PLEC: variants seen among roughly 807,000 people sequenced by gnomAD.
PLEC encodes hemidesmosomal protein 1.
In PLEC, 216 loss-of-function variants were observed where a neutral mutation model predicts 392.8. That is an observed-to-expected ratio of 0.55 (90% CI 0.49 to 0.62). PLEC has a LOEUF of 0.62. Ranked by LOEUF, PLEC falls within the 20% of genes least tolerant of loss-of-function variation. The pLI is 0.00. For missense variants in PLEC, 6,863 were observed against 6,563.4 expected (o/e 1.05, Z -1.58); for synonymous variants, 3,621 against 2,980.6 (o/e 1.21, Z -7.00).
chr8:143,918,214 G>A lies in PLEC; in HGVS notation c.11607C>T (p.Gly3869=). ...QLLRRCRRDD[G]TGQLLLPLSD... ...ACAGTGGCAGGAGCAGCTGGCCGGT[G>A]CCGTCGTCACGACGGCACCGCCTGA... The change falls in exon 32 of 32, where the codon GGC becomes GGT. Residue 3869 remains glycine, a synonymous_variant. Coordinates refer to ENST00000345136, the MANE Select transcript of PLEC (RefSeq NM_201384.3). 6.3e-7 allele frequency: 1 copy of A among 1,579,622 alleles called. No individual in the cohort carries two copies. The highest frequency in any genetic ancestry group is 2.2e-5 in the East Asian group (1 of 44,474).
intron 1 of PLEC, among the ~76,000 whole-genome samples, chr8:143,947,651 G>A (rs1831655923): frequency 6.6e-6 from 1 of 152,170 alleles, no homozygotes; most frequent in Non-Finnish European, 1.5e-5. Flanking sequence ...TCAGGAGGCT[G>A]AGACAGGAGA....
intron 1 of PLEC, chr8:143,944,828 C>T: frequency 5.1e-6 from 3 of 593,532 alleles, no homozygotes; most frequent in Non-Finnish European, 5.2e-6. Context: ...GAGCAGTGGG[C>T]AGGGGCCCAG....
rs1554694810 is a variant in PLEC, at chr8:143,923,927, G to A, written c.6002C>T (p.Ala2001Val). 3 of 1,595,042 alleles carry A rather than the reference G, an allele frequency of 1.9e-6. No homozygotes were observed. The highest frequency in any genetic ancestry group is 2.2e-5 in the East Asian group (1 of 44,674). The change falls in exon 31 of 32, where the codon GCA becomes GTA. Residue 2001 changes from alanine (A) to valine (V), a missense_variant. By Grantham distance (64) the Ala-to-Val change is moderately conservative. Transcript: ENST00000345136. ...CTCCAGCGCCGCCTTCCGCTGCCGT[G>A]CGGCCTCCTCCTCGGCCGCCAGGCT... Reference protein sequence around the residue: ...QKSLAAEEEAARQRKAALEEV... With the variant: ...QKSLAAEEEAVRQRKAALEEV...
In PLEC at chr8:143,927,419, C is replaced by T. The variant is rs1371889429; in HGVS notation, c.3747G>A (p.Arg1249=). ...ACCGACCCAAGCCCACCTGCTCCTG[C>T]CGCAGCTGCTCCCGCACAGCCTGGC... ...ADSQAVREQL[R]QEQALLEEIE... The change falls in exon 27 of 32, where the codon CGG becomes CGA. Residue 1249 remains arginine (R), a synonymous_variant. Coordinates refer to ENST00000345136, the MANE Select transcript of PLEC (RefSeq NM_201384.3). The T allele has an allele frequency of 3.1e-6, 5 of 1,604,300 alleles. No individual in the cohort carries two copies. Among genetic ancestry groups the T allele is most frequent in the Admixed American group, 1.7e-5 (1 of 59,940 alleles).
upstream of PLEC, among the ~76,000 whole-genome samples, chr8:143,954,996 C>CACGGGTA (rs1262343653): frequency 1.3e-5 from 2 of 152,126 alleles, no homozygotes; most frequent in African/African-American, 4.8e-5. This position sits in a 1 kb window ranked among gnomAD's most constrained non-coding sequence, Gnocchi z 4.6. Flanking sequence ...CGGCAGCTCC[C>CACGGGTA]ACGGGTACGA....
chr8:143,927,169 C>T, intron 28 of PLEC, 83 bp downstream of exon 28: 1 of 1,569,682 alleles, frequency 6.4e-7, no homozygotes, highest in Non-Finnish European at 8.8e-7. Flanking sequence ...CTTTCCCTGG[C>T]ATGGCCCAGG....
rs1394286982 is a variant in PLEC at position 143,920,608 on chromosome 8, G to A, written c.9213C>T (p.Ala3071=). 1.2e-6 allele frequency: 2 copies of A among 1,608,624 alleles called. No homozygotes were observed. Among genetic ancestry groups the A allele is most frequent in the African/African-American group, 2.7e-5 (2 of 74,928 alleles). The change falls in exon 32 of 32, where the codon GCC becomes GCT. Residue 3071 remains alanine (A), a synonymous_variant. Transcript: ENST00000345136. The part of the protein sequence containing the change: ...QAGTGHIIDP[A]TSARLTVDEA... ...CGTCCACGGTCAGCCGGGCGCTGGT[G>A]GCGGGGTCGATGATGTGCCCGGTGC... is the stretch of plus-strand genomic sequence containing the variant.
rs201336009 is a variant in PLEC, at chr8:143,933,314, C to T, written c.1301G>A (p.Arg434Gln). ...CAAGTCCCGTTCCACCTCCCCCGCC[C>T]GCTGTGGCACTTTGCCTGCAGCCAG... ...RLLAAGKVPQ[R>Q]AGEVERDLDK... is the part of the protein sequence containing the mutation. The change falls in exon 13 of 32, where the codon CGG becomes CAG. Residue 434 changes from arginine (R) to glutamine (Q), a missense_variant. Arg to Gln is a conservative substitution (Grantham distance 43, BLOSUM62 1). Coordinates refer to ENST00000345136, the MANE Select transcript of PLEC (RefSeq NM_201384.3). 48 of 1,612,752 alleles carry T rather than the reference C, an allele frequency of 3.0e-5. No homozygotes were observed. In the Admixed American group the frequency reaches 5.2e-4, roughly 17 times the overall value.
rs782159069 is a variant in PLEC at position 143,918,955 on chromosome 8, G to A, written c.10866C>T (p.Ile3622=). 10 of 1,610,734 alleles carry A rather than the reference G, an allele frequency of 6.2e-6. No individual in the cohort carries two copies. In the South Asian group the frequency reaches 1.1e-4, roughly 18 times the overall value. Residue 3622 remains isoleucine (I), a synonymous_variant, in exon 32 of 32, where the codon ATC becomes ATT. Transcript: ENST00000345136. ...RVTKERMIII[I]IEIIEKTEII... ...TCTCTGTCTTCTCAATGATCTCGATGATGATGATGATCATGCGTTCCTTGG... is the reference window on the plus strand; with the variant it reads ...TCTCTGTCTTCTCAATGATCTCGATAATGATGATGATCATGCGTTCCTTGG...
chr8:143,916,253 G>A lies in PLEC; in HGVS notation c.13568C>T (p.Ser4523Phe). 1 of 1,548,484 alleles carries A rather than the reference G, an allele frequency of 6.5e-7. No individual in the cohort carries two copies. The highest frequency in any genetic ancestry group is 1.2e-5 in the South Asian group (1 of 84,886). The change falls in exon 32 of 32, where the codon TCC becomes TTC. Residue 4523 changes from serine (S) to phenylalanine (F), a missense_variant. Physicochemically the swap from Ser to Phe is radical, Grantham distance 155. Transcript: ENST00000345136. ...FSMTFSSSSY[S>F]SSGYGRRYAS... ...GTAGCGGCGGCCGTAGCCCGAGGAGGAGTAGGAGGATGAAGAGAAGGTCAT... is the reference window on the plus strand; with the variant it reads ...GTAGCGGCGGCCGTAGCCCGAGGAGAAGTAGGAGGATGAAGAGAAGGTCAT...
At chr8:143,946,489 T>G in intron 1 of PLEC, 1 of 910,666 alleles carries the variant, frequency 1.1e-6, no homozygotes, top group Non-Finnish European at 1.5e-6. Flanking sequence ...GGCCCACTCA[T>G]GCCCTGGTAG....
chr8:143,920,123 G>T lies in PLEC; in HGVS notation c.9698C>A (p.Thr3233Asn). 6.2e-7 allele frequency: 1 copy of T among 1,612,944 alleles called. No individual in the cohort carries two copies. Among genetic ancestry groups the T allele is most frequent in the Non-Finnish European group, 8.5e-7 (1 of 1,180,036 alleles). ...GACCTCAACCGGGGTCTTTTCAAAG[G>T]TCTCACGGGCCTGCAGCTCTGAGTA... is the stretch of plus-strand genomic sequence containing the variant. ...ELYSELQARE[T>N]FEKTPVEVPV... Residue 3233 changes from threonine to asparagine, a missense_variant, in exon 32 of 32, where the codon ACC (threonine) becomes AAC (asparagine). Thr to Asn is a moderately conservative substitution (Grantham distance 65). Coordinates refer to ENST00000345136, the MANE Select transcript of PLEC (RefSeq NM_201384.3).
chr8:143,938,070 G>T, intron 3 of PLEC, 81 bp downstream of exon 3: 2 of 995,388 alleles, frequency 2.0e-6, no homozygotes, highest in African/African-American at 1.6e-5. Flanking sequence ...GTGGGCGGCC[G>T]GAGAGGCCCC....
chr8:143,939,425 C>A lies in PLEC; in HGVS notation c.37G>T (p.Gly13Cys), dbSNP rs782214958. The A allele has an allele frequency of 1.3e-5, 21 of 1,612,454 alleles. No individual in the cohort carries two copies. Among genetic ancestry groups the A allele is most frequent in the Middle Eastern group, 1.7e-4 (1 of 6,032 alleles). ...GAGCTGGTTCTCTTTCGGCCCAGGCCCTCGGGCTGCGGCACGCGGAGCTGG... is the reference window on the plus strand; with the variant it reads ...GAGCTGGTTCTCTTTCGGCCCAGGCACTCGGGCTGCGGCACGCGGAGCTGG... ...QHQLRVPQPE[G>C]LGRKRTSSED... is the part of the protein sequence containing the mutation. Residue 13 changes from glycine to cysteine, a missense_variant, in exon 1 of 32, where the codon GGC (glycine) becomes TGC (cysteine). Transcript: ENST00000345136.
At position 143,923,554 on chromosome 8, in the gene PLEC, T is replaced by C. The variant is rs782394793; in HGVS notation, c.6375A>G (p.Ala2125=). The C allele has an allele frequency of 1.3e-6, 2 of 1,596,986 alleles. No individual in the cohort carries two copies. Among genetic ancestry groups the C allele is most frequent in the African/African-American group, 1.3e-5 (1 of 74,328 alleles). The part of the protein sequence containing the change: ...ERLKQSAEEQ[A]QARAQAQAAA... ...CCGCCTGTGCCTGAGCCCGGGCCTG[T>C]GCCTGCTCCTCTGCCGACTGCTTCA... Residue 2125 remains alanine (A), a synonymous_variant, in exon 31 of 32, where the codon GCA becomes GCG. Transcript: ENST00000345136.
At position 143,924,644 on chromosome 8, in the gene PLEC, G is replaced by A; in HGVS notation, c.5285C>T (p.Ala1762Val). The change falls in exon 31 of 32, where the codon GCC becomes GTC. Residue 1762 changes from alanine to valine, a missense_variant. Coordinates refer to ENST00000345136, the MANE Select transcript of PLEC (RefSeq NM_201384.3). ...ELEAELAKVRAEMEVLLASKA... is the reference protein window; with the variant it reads ...ELEAELAKVRVEMEVLLASKA... ...GCTGGCCAGCAGCACCTCCATCTCG[G>A]CCCGCACCTTGGCCAGCTCGGCTTC... 4 of 1,537,630 alleles carry A rather than the reference G, an allele frequency of 2.6e-6. No homozygotes were observed. The highest frequency in any genetic ancestry group is 2.6e-6 in the Non-Finnish European group (3 of 1,147,966).
At chr8:143,942,476 C>A (rs370626528), upstream of PLEC, 1 of 1,597,068 alleles carries the variant, frequency 6.3e-7, no homozygotes, top group South Asian at 1.1e-5. Flanking sequence ...TCCAGCAAGA[C>A]CTCCCTCGGC....
At chr8:143,944,043 A>G, upstream of PLEC, 1 of 1,218,904 alleles carries the variant, frequency 8.2e-7, no homozygotes, top group Non-Finnish European at 1.1e-6. Context: ...ACGCGGCGGC[A>G]GCCCCACAAC....
In PLEC at chr8:143,920,258, T is replaced by A; in HGVS notation, c.9563A>T (p.Glu3188Val). 1.3e-6 allele frequency: 2 copies of A among 1,597,780 alleles called. No individual in the cohort carries two copies. The highest frequency in any genetic ancestry group is 1.7e-6 in the Non-Finnish European group (2 of 1,177,514). Residue 3188 changes from glutamate (E) to valine (V), a missense_variant, in exon 32 of 32, where the codon GAG (glutamate) becomes GTG (valine). Coordinates refer to ENST00000345136, the MANE Select transcript of PLEC (RefSeq NM_201384.3). Reference protein sequence around the residue: ...AKAYSDPSTGEPATYGELQQR... With the variant: ...AKAYSDPSTGVPATYGELQQR... ...CTGGAGCTCGCCGTAGGTGGCCGGCTCCCCTGTGCTGGGGTCACTGTAGGC... is the reference window on the plus strand; with the variant it reads ...CTGGAGCTCGCCGTAGGTGGCCGGCACCCCTGTGCTGGGGTCACTGTAGGC...
Sources: gnomAD v4.1 joint callset for allele counts (sites outside exome capture counted in the v4.1 genomes callset) on GRCh38, gnomAD v4.1.1 for gene constraint, Gnocchi (gnomAD v3.1) non-coding constraint, MANE v1.5 for transcripts, NCBI Gene and HGNC (gene_info 2026-07-23, HGNC 2026-07-21) for gene names.